UQCR11: variants seen among roughly 807,000 people sequenced by gnomAD.
UQCR11 encodes ubiquinol-cytochrome c reductase, complex III subunit XI.
In UQCR11, 10 loss-of-function variants were observed where a neutral mutation model predicts 7.6. The observed-to-expected ratio is 1.31, with a 90% CI of 0.81 to 2.22. The LOEUF is 2.22. Among genes scored for constraint, UQCR11 ranks in the 30% most tolerant of loss-of-function variants. UQCR11 has a pLI of 0.00. For synonymous variants in UQCR11, 34 were observed against 34.9 expected (o/e 0.97, Z 0.09); for missense variants, 86 against 75.1 (o/e 1.15, Z -0.54).
chr19:1,599,314 G>A, intron 2 of UQCR11, 98 bp downstream of exon 2: 1 of 1,497,868 alleles, frequency 6.7e-7, no homozygotes, highest in Non-Finnish European at 9.0e-7. Context: ...GGGGAGCAGT[G>A]AGGGCTGCCG....
At chr19:1,600,857 T>C (rs977541355) in intron 1 of UQCR11, among the ~76,000 whole-genome samples, 2 of 151,574 alleles carry the variant, frequency 1.3e-5, no homozygotes, top group African/African-American at 2.4e-5. Flanking sequence ...TATGAGACCA[T>C]ATCTCAAAAA....
intron 1 of UQCR11, among the ~76,000 whole-genome samples, chr19:1,604,798 G>A (rs1394263229): frequency 6.6e-6 from 1 of 152,190 alleles, no homozygotes; most frequent in South Asian, 2.1e-4. Context: ...CAAAGCGCTG[G>A]GATCACAGGC....
intron 1 of UQCR11, among the ~76,000 whole-genome samples, chr19:1,603,040 A>G (rs1305048664): frequency 6.6e-6 from 1 of 152,162 alleles, no homozygotes; most frequent in African/African-American, 2.4e-5. Flanking sequence ...TGGCCCTCTC[A>G]GTCCTAAGTC....
chr19:1,597,295 C>CA lies in UQCR11; in HGVS notation c.*948dup, dbSNP rs1471826726. 1 of 152,106 alleles carries CA rather than the reference C, an allele frequency of 6.6e-6. No individual in the cohort carries two copies. Among genetic ancestry groups the CA allele is most frequent in the African/African-American group, 2.4e-5 (1 of 41,404 alleles). 9.4% of individuals were successfully genotyped at this position (152,106 alleles called of 1,614,324 possible). On this transcript the variant is annotated 3_prime_UTR_variant, in exon 3 of 3. Coordinates refer to ENST00000591899, the MANE Select transcript of UQCR11 (RefSeq NM_006830.4). The stretch of plus-strand genomic sequence containing the variant: ...AAGTGATGCCCCTTCCTCAGCCTCC[C>CA]AAAGTGTTGGGATTGTAGGCTGAGC...
At position 1,605,027 on chromosome 19, in the gene UQCR11, G is replaced by C. The variant is rs57149369; in HGVS notation, c.50+333C>G. ...AAGGCCGAAGATGCCGCGAGTGCTG[G>C]GCTGGGGATCGGGACTCGGCACCTT... On this transcript the variant is annotated intron_variant, in intron 1 of 2. Coordinates refer to ENST00000591899, the MANE Select transcript of UQCR11 (RefSeq NM_006830.4). Among the ~76,000 whole-genome samples the C allele has an allele frequency of 8.2e-3, 1,252 of 152,384 alleles. 18 individuals are homozygous for C. The highest frequency in any genetic ancestry group is 0.028 in the African/African-American group (1,182 of 41,604).
chr19:1,599,429 G>C lies in UQCR11; in HGVS notation c.*11C>G. 6.2e-7 allele frequency: 1 copy of C among 1,613,468 alleles called. No homozygotes were observed. The highest frequency in any genetic ancestry group is 1.6e-4 in the Middle Eastern group (1 of 6,062). ...AAACTTACCAGAGCAGTCTGTGAAG[G>C]GTTTGTGTAATTAATTATCCTTCTT... On this transcript the variant is annotated 3_prime_UTR_variant, in exon 2 of 3. Transcript: ENST00000591899.
intron 1 of UQCR11, among the ~76,000 whole-genome samples, chr19:1,600,203 A>G (rs1473068957): frequency 6.8e-6 from 1 of 147,276 alleles, no homozygotes. Flanking sequence ...ACTTGGGCAC[A>G]GGCTTCTTTT....
At chr19:1,600,580 A>G (rs745605833) in intron 1 of UQCR11, among the ~76,000 whole-genome samples, 1 of 152,206 alleles carries the variant, frequency 6.6e-6, no homozygotes, top group African/African-American at 2.4e-5. Flanking sequence ...GTCAAGTGAC[A>G]AAAGACTGGC....
rs146763039 is a variant in UQCR11 at position 1,598,925 on chromosome 19, G to A, written c.*28+487C>T. 7.2e-3 allele frequency: 1,179 copies of A among 163,544 alleles called. 16 individuals are homozygous for A. The highest frequency in any genetic ancestry group is 0.027 in the African/African-American group (1,131 of 41,686). The allele number at this position is 163,544 out of a possible 1,614,324, so 10.1% of individuals were successfully genotyped here. ...AATGGGGGTGTAAGAGCACGGCCAC[G>A]TGGGACTGTCATGTGGGCACTGGGA... On this transcript the variant is annotated intron_variant, in intron 2 of 2. Coordinates refer to ENST00000591899, the MANE Select transcript of UQCR11 (RefSeq NM_006830.4).
At chr19:1,601,680 C>T (rs542081555) in intron 1 of UQCR11, among the ~76,000 whole-genome samples, 4 of 152,048 alleles carry the variant, frequency 2.6e-5, no homozygotes, top group Admixed American at 1.3e-4. Context: ...TCTGCCTGGT[C>T]ACACCCTCGG....
chr19:1,602,065 G>A (rs995653146), intron 1 of UQCR11: 1 of 152,292 alleles, frequency 6.6e-6, no homozygotes, highest in Non-Finnish European at 1.5e-5. Flanking sequence ...GGGAGGCTGA[G>A]GCAGGAGAAT....
chr19:1,602,153 C>G (rs554112008), intron 1 of UQCR11: 1 of 152,244 alleles, frequency 6.6e-6, no homozygotes, highest in African/African-American at 2.4e-5. Flanking sequence ...CAGTGAGACT[C>G]TGTCTCGGAA....
chr19:1,600,283 G>A (rs370870725), intron 1 of UQCR11, among the ~76,000 whole-genome samples: 2 of 145,244 alleles, frequency 1.4e-5, no homozygotes, highest in Non-Finnish European at 3.0e-5. Context: ...GCGTGATCTC[G>A]GCTCACTGCA....
Position 1,599,847 on chromosome 19 carries a change from C to T in UQCR11, c.51-287G>A, listed in dbSNP as rs190115134. Among the ~76,000 whole-genome samples, 676 of 152,358 alleles carry T rather than the reference C, an allele frequency of 4.4e-3. 7 individuals carry two copies. Among genetic ancestry groups the T allele is most frequent in the African/African-American group, 0.016 (649 of 41,586 alleles). Reference sequence around the variant, plus strand: ...GTAGGTGTTTGTAAGTTTGCAACCACCATGATGATGGGTCCGGTCTGCTGC... The same window carrying T: ...GTAGGTGTTTGTAAGTTTGCAACCATCATGATGATGGGTCCGGTCTGCTGC... On this transcript the variant is annotated intron_variant, in intron 1 of 2. Transcript: ENST00000591899.
chr19:1,600,362 C>T (rs912050532), intron 1 of UQCR11, among the ~76,000 whole-genome samples: 1 of 152,084 alleles, frequency 6.6e-6, no homozygotes, highest in African/African-American at 2.4e-5. Flanking sequence ...TACAGGCGCC[C>T]GTCACTGCGC....
At chr19:1,598,880 C>A (rs941782385) in intron 2 of UQCR11, 4 of 160,278 alleles carry the variant, frequency 2.5e-5, no homozygotes, top group Non-Finnish European at 5.5e-5. Context: ...TGGCCTCAGG[C>A]CTCAGGCCAG....
At chr19:1,604,018 T>C (rs2060754696) in intron 1 of UQCR11, among the ~76,000 whole-genome samples, 1 of 152,106 alleles carries the variant, frequency 6.6e-6, no homozygotes, top group Non-Finnish European at 1.5e-5. Flanking sequence ...CAATCTCAGC[T>C]CACCACAACC....
intron 1 of UQCR11, 100 bp downstream of exon 1, chr19:1,605,260 C>A: frequency 7.3e-7 from 1 of 1,369,828 alleles, no homozygotes. Flanking sequence ...CTGGGCCCGG[C>A]CCGGCCCGGC....
intron 1 of UQCR11, among the ~76,000 whole-genome samples, chr19:1,603,620 G>A (rs1568283346): frequency 6.6e-6 from 1 of 151,944 alleles, no homozygotes; most frequent in Admixed American, 6.6e-5. Flanking sequence ...ATAAATAAAT[G>A]AATAAATAAA....
Sources: gnomAD v4.1 joint callset for allele counts (sites outside exome capture counted in the v4.1 genomes callset) on GRCh38, gnomAD v4.1.1 for gene constraint, MANE v1.5 for transcripts, NCBI Gene and HGNC (gene_info 2026-07-23, HGNC 2026-07-21) for gene names.